Variants in PPM1H observed in about 807,000 individuals in gnomAD.
PPM1H encodes protein phosphatase 1H.
A neutral mutation model predicts 54.9 loss-of-function variants in PPM1H; 27 were observed. The ratio of observed to expected loss-of-function variants is 0.49; its 90% CI spans 0.36 to 0.68. The LOEUF (loss-of-function observed/expected upper bound fraction) is 0.68. PPM1H is among the 30% of genes least tolerant of loss of function. The probability of loss-of-function intolerance (pLI) is 0.00; values close to 1 mark genes in which losing one functional copy is unlikely to be tolerated. For missense variants in PPM1H, 596 were observed against 667.8 expected (o/e 0.89, Z 1.19); for synonymous variants, 305 against 270.8 (o/e 1.13, Z -1.24).
chr12:62,696,678 A>C (rs903898283), intron 6 of PPM1H, among the ~76,000 whole-genome samples: 5 of 152,346 alleles, frequency 3.3e-5, no homozygotes, highest in Admixed American at 2.0e-4. Flanking sequence ...GCTATGATTT[A>C]CTGAGCATCT....
chr12:62,689,582 G>A (rs1207221809), intron 8 of PPM1H, 117 bp downstream of exon 8: 2 of 692,112 alleles, frequency 2.9e-6, no homozygotes, highest in Non-Finnish European at 5.0e-6. Flanking sequence ...GAGAGATACA[G>A]TGGAAGTACA....
At chr12:62,853,816 T>G (rs1422459469) in intron 1 of PPM1H, among the ~76,000 whole-genome samples, 2 of 152,182 alleles carry the variant, frequency 1.3e-5, no homozygotes, top group African/African-American at 4.8e-5. Context: ...CTATAGAAGA[T>G]AAGGAAGTTC....
At chr12:62,727,161 C>T (rs1443444951) in intron 5 of PPM1H, among the ~76,000 whole-genome samples, 1 of 152,320 alleles carries the variant, frequency 6.6e-6, no homozygotes, top group East Asian at 1.9e-4. Context: ...CTGCCTCAGC[C>T]TCCCAAAGTG....
At chr12:62,884,865 A>G (rs981382382) in intron 1 of PPM1H, among the ~76,000 whole-genome samples, 8 of 152,162 alleles carry the variant, frequency 5.3e-5, no homozygotes, top group African/African-American at 1.2e-4. Flanking sequence ...TTCACTTTCA[A>G]GTTCATCCTG....
At chr12:62,764,096 T>C (rs903218800) in intron 4 of PPM1H, among the ~76,000 whole-genome samples, 2 of 152,160 alleles carry the variant, frequency 1.3e-5, no homozygotes, top group Admixed American at 6.6e-5. Context: ...CTTTGTAAGA[T>C]CCAATAATAC....
At chr12:62,710,468 G>T (rs1441188833) in intron 6 of PPM1H, among the ~76,000 whole-genome samples, 1 of 150,608 alleles carries the variant, frequency 6.6e-6, no homozygotes, top group Non-Finnish European at 1.5e-5. Flanking sequence ...GGAGGCGGAG[G>T]TTGCAGTGGG....
intron 1 of PPM1H, among the ~76,000 whole-genome samples, chr12:62,927,667 A>G (rs1034765751): frequency 5.9e-5 from 9 of 151,822 alleles, no homozygotes; most frequent in African/African-American, 2.2e-4. Context: ...CGTCTCAAAA[A>G]AAAAAAAAGA....
At chr12:62,752,514 T>C (rs2076448048) in intron 4 of PPM1H, among the ~76,000 whole-genome samples, 1 of 152,224 alleles carries the variant, frequency 6.6e-6, no homozygotes, top group South Asian at 2.1e-4. Flanking sequence ...AGAAGGAAGA[T>C]TGACAGGGGG....
intron 3 of PPM1H, among the ~76,000 whole-genome samples, chr12:62,788,694 G>T (rs1428205478): frequency 6.6e-6 from 1 of 152,172 alleles, no homozygotes; most frequent in Non-Finnish European, 1.5e-5. Context: ...CACTAGAGAG[G>T]CTGAGGATGA....
chr12:62,876,356 T>C (rs1275263715), intron 1 of PPM1H, among the ~76,000 whole-genome samples: 1 of 152,164 alleles, frequency 6.6e-6, no homozygotes, highest in Non-Finnish European at 1.5e-5. Flanking sequence ...GCTTCATTGA[T>C]GGAAGCCTGA....
intron 8 of PPM1H, among the ~76,000 whole-genome samples, chr12:62,684,228 C>T (rs1047699795): frequency 6.6e-6 from 1 of 152,156 alleles, no homozygotes. Flanking sequence ...ACACTCAACC[C>T]ACACCTCCAG....
At position 62,756,433 on chromosome 12, in the gene PPM1H, CA is replaced by C. The variant is rs35608002; in HGVS notation, c.870-18848del. Among the ~76,000 whole-genome samples, 573 of 137,874 alleles carry C rather than the reference CA, an allele frequency of 4.2e-3. 2 individuals are homozygous for C. Among genetic ancestry groups the C allele is most frequent in the African/African-American group, 9.4e-3 (352 of 37,510 alleles). The allele number at this position is 137,874 out of a possible 152,430, so 90.5% of individuals were successfully genotyped here. A position where few individuals can be genotyped will look rare whatever the true frequency, so the allele number is the denominator to read the frequency against. On this transcript the variant is annotated intron_variant, in intron 4 of 9. Transcript: ENST00000228705. ...ATTAATAAAGTCCCCTGCACTCAGC[CA>C]AAAAAAAAAAAATTGTACATAAGTA...
intron 1 of PPM1H, chr12:62,850,734 T>C (rs1340831794): frequency 1.3e-5 from 2 of 150,550 alleles, no homozygotes; most frequent in African/African-American, 4.9e-5. Context: ...TCTTTTTTCT[T>C]TTTTAGGGGA....
chr12:62,658,430 T>A (rs1433510267), intron 9 of PPM1H, among the ~76,000 whole-genome samples: 1 of 152,030 alleles, frequency 6.6e-6, no homozygotes, highest in Non-Finnish European at 1.5e-5. Context: ...AGCGTCTTCT[T>A]CTCTGAGTGT....
At chr12:62,843,012 G>T (rs923948883) in intron 1 of PPM1H, among the ~76,000 whole-genome samples, 1 of 152,192 alleles carries the variant, frequency 6.6e-6, no homozygotes, top group Non-Finnish European at 1.5e-5. Context: ...TGTAAAAAAA[G>T]AAATGTTAAA....
intron 1 of PPM1H, among the ~76,000 whole-genome samples, chr12:62,874,748 T>TC (rs1369740534): frequency 6.6e-6 from 1 of 152,264 alleles, no homozygotes; most frequent in Non-Finnish European, 1.5e-5. Flanking sequence ...AATGTCTTTT[T>TC]CTTTCAAAGG....
intron 8 of PPM1H, among the ~76,000 whole-genome samples, chr12:62,676,455 G>A (rs2075986867): frequency 1.3e-5 from 2 of 152,158 alleles, no homozygotes; most frequent in South Asian, 2.1e-4. Context: ...CTGGGTGCAG[G>A]TGCAGCCACC....
chr12:62,659,730 C>T (rs1366850527), intron 9 of PPM1H, among the ~76,000 whole-genome samples: 2 of 152,222 alleles, frequency 1.3e-5, no homozygotes, highest in Non-Finnish European at 2.9e-5. Flanking sequence ...TTTTGTCCTG[C>T]TTCCTTTCTA....
At chr12:62,727,679 G>C (rs1565770421) in intron 5 of PPM1H, among the ~76,000 whole-genome samples, 1 of 62,132 alleles carries the variant, frequency 1.6e-5, no homozygotes, top group Non-Finnish European at 4.5e-5. Context: ...ATTATTATTT[G>C]AGGTGGATTC....
Sources: allele counts gnomAD v4.1 joint callset (sites outside exome capture counted in the v4.1 genomes callset), GRCh38; gene constraint gnomAD v4.1.1; transcripts MANE v1.5; gene names NCBI Gene and HGNC (gene_info 2026-07-23, HGNC 2026-07-21).